The following ECPAS variants were observed in gnomAD, a reference collection of about 807,000 sequenced individuals.
ECPAS encodes Ecm29 proteasome adaptor and scaffold.
ECPAS carries 70 observed loss-of-function variants against 255.1 expected under a neutral mutation model. The ratio of observed to expected loss-of-function variants is 0.27; its 90% CI spans 0.23 to 0.33. The LOEUF (loss-of-function observed/expected upper bound fraction) is 0.33. ECPAS is among the 10% of genes least tolerant of loss of function. The pLI, the probability that ECPAS is intolerant of heterozygous loss-of-function variation, is 1.00. For missense variants in ECPAS, 1,817 were observed against 2,206.4 expected (o/e 0.82, Z 3.54); for synonymous variants, 784 against 775.0 (o/e 1.01, Z -0.19).
intron 35 of ECPAS, among the ~76,000 whole-genome samples, chr9:111,380,742 T>C (rs190197964): frequency 3.3e-5 from 5 of 152,260 alleles, no homozygotes; most frequent in African/African-American, 1.2e-4. Context: ...CTGGATAACC[T>C]GCTGCAGCTT....
At position 111,378,865 on chromosome 9, in the gene ECPAS, A is replaced by T. The variant is rs1472950667; in HGVS notation, c.3804-135T>A. 2.3e-4 allele frequency: 189 copies of T among 809,452 alleles called. 1 individual carries two copies. In the East Asian group the frequency reaches 5.6e-3, roughly 24 times the overall value. 50.1% of individuals were successfully genotyped at this position (809,452 alleles called of 1,614,324 possible). On this transcript the variant is annotated intron_variant, in intron 35 of 49. Transcript: ENST00000684092. The stretch of plus-strand genomic sequence containing the variant: ...CATGGTTGCAGAGCCTGGTCTGGGC[A>T]TTACTTTTTTTAACTTTTATTAAAG...
chr9:111,399,062 A>C (rs977455177), intron 24 of ECPAS, among the ~76,000 whole-genome samples: 1 of 152,262 alleles, frequency 6.6e-6, no homozygotes, highest in African/African-American at 2.4e-5. Flanking sequence ...TTTGCAACTC[A>C]AAAGAAATGC....
chr9:111,371,641 C>T lies in ECPAS; in HGVS notation c.4717G>A (p.Gly1573Arg). The T allele has an allele frequency of 6.2e-7, 1 of 1,613,712 alleles. No homozygotes were observed. The highest frequency in any genetic ancestry group is 2.2e-5 in the East Asian group (1 of 44,878). ...TTTACCTTTCCTGCCCACGTTCTTC[C>T]AGCCAGGCCTTGCAGCAATGCGGTC... ...ILTALLQGLA[G>R]RTWAGKEELL... The change falls in exon 43 of 50, where the codon GGA becomes AGA. Residue 1573 changes from glycine (G) to arginine (R), a missense_variant. By Grantham distance (125) the Gly-to-Arg change is moderately radical (BLOSUM62 -2). Around this residue, in one of 4 missense-constraint regions of ECPAS, gnomAD observed 960 missense variants for 1,179.0 expected, o/e 0.81. Transcript: ENST00000684092.
At chr9:111,439,689 A>T (rs2131890769) in intron 6 of ECPAS, among the ~76,000 whole-genome samples, 1 of 152,334 alleles carries the variant, frequency 6.6e-6, no homozygotes, top group African/African-American at 2.4e-5. Context: ...ATAAGCGTGC[A>T]TGAAATGCAT....
rs530659267 is a variant in ECPAS at position 111,373,011 on chromosome 9, G to A, written c.4336+159C>T. Among the ~76,000 whole-genome samples, 10 of 151,824 alleles carry A rather than the reference G, an allele frequency of 6.6e-5. No individual in the cohort carries two copies. In the South Asian group the frequency reaches 1.5e-3, roughly 22 times the overall value. On this transcript the variant is annotated intron_variant, in intron 41 of 49. Coordinates refer to ENST00000684092, the MANE Select transcript of ECPAS (RefSeq NM_001364929.1). ...AGCACCACTGCACTCCAACCTCAGC[G>A]ACAAAGCCAGACACCATCTCAAAAA...
chr9:111,428,570 G>A (rs1173225237), intron 9 of ECPAS, among the ~76,000 whole-genome samples: 2 of 152,036 alleles, frequency 1.3e-5, no homozygotes, highest in Non-Finnish European at 2.9e-5. Flanking sequence ...TATTCAATCT[G>A]CTATAATACA....
At chr9:111,474,517 G>C (rs568346120) in intron 1 of ECPAS, among the ~76,000 whole-genome samples, 2 of 152,048 alleles carry the variant, frequency 1.3e-5, no homozygotes, top group Non-Finnish European at 1.5e-5. Flanking sequence ...CTTGATCTCC[G>C]GATCCTTGCA....
At chr9:111,399,986 G>T (rs1270422315) in intron 24 of ECPAS, among the ~76,000 whole-genome samples, 1 of 152,266 alleles carries the variant, frequency 6.6e-6, no homozygotes, top group African/African-American at 2.4e-5. Flanking sequence ...ACCCAGCATG[G>T]TGCTAGCTGC....
chr9:111,445,625 G>A (rs567715663), intron 3 of ECPAS, among the ~76,000 whole-genome samples: 1 of 152,236 alleles, frequency 6.6e-6, no homozygotes, highest in South Asian at 2.1e-4. Context: ...ATTACAAAAG[G>A]ATTCTGGCAA....
chr9:111,461,371 G>T (rs1228054319), intron 2 of ECPAS, among the ~76,000 whole-genome samples: 1 of 152,022 alleles, frequency 6.6e-6, no homozygotes, highest in Non-Finnish European at 1.5e-5. Context: ...AGGCTTAGGT[G>T]GGAGAACTGC....
chr9:111,470,260 A>T (rs916496517), intron 2 of ECPAS, among the ~76,000 whole-genome samples: 2 of 151,918 alleles, frequency 1.3e-5, no homozygotes, highest in Non-Finnish European at 2.9e-5. Flanking sequence ...ATCTGGATCT[A>T]CTACAGGCTA....
chr9:111,477,305 T>G (rs2098297571), intron 1 of ECPAS, among the ~76,000 whole-genome samples: 1 of 151,326 alleles, frequency 6.6e-6, no homozygotes, highest in Non-Finnish European at 1.5e-5. Context: ...GAGACGGGGG[T>G]TTCATCATGT....
intron 15 of ECPAS, 30 bp from the exon 16 acceptor site, chr9:111,420,150 C>T: frequency 1.4e-6 from 2 of 1,465,542 alleles, no homozygotes; most frequent in African/African-American, 1.4e-5. Context: ...ACACAGACCA[C>T]CCCGATCCGA....
chr9:111,389,839 A>C, intron 30 of ECPAS, 116 bp from the exon 31 acceptor site: 1 of 1,218,264 alleles, frequency 8.2e-7, no homozygotes, highest in Non-Finnish European at 1.1e-6. Flanking sequence ...TGGTCTTTCC[A>C]ATCAACAGCA....
intron 1 of ECPAS, among the ~76,000 whole-genome samples, chr9:111,481,594 T>G (rs2098305330): frequency 6.6e-6 from 1 of 152,230 alleles, no homozygotes; most frequent in African/African-American, 2.4e-5. Context: ...ATTACATTTC[T>G]GGGTATGTAC....
rs760777398 is a variant in ECPAS at position 111,370,700 on chromosome 9, T to C, written c.4781+22A>G. 3 of 1,606,690 alleles carry C rather than the reference T, an allele frequency of 1.9e-6. No homozygotes were observed. The South Asian group carries it at 3.4e-5, about 18-fold the overall frequency. ...TTCGGGTCCAGTTTAAGAAATGGCA[T>C]CTTCATTGAAAGAACATTTACCTGC... On this transcript the variant is annotated intron_variant, in intron 44 of 49. Transcript: ENST00000684092.
chr9:111,484,001 C>A (rs1330850377), intron 1 of ECPAS, 115 bp downstream of exon 1: 3 of 1,008,412 alleles, frequency 3.0e-6, no homozygotes, highest in Admixed American at 6.0e-5. Context: ...CCGCCCGCCC[C>A]GCGTGCGCTC....
In ECPAS at chr9:111,411,033, G is replaced by A. The variant is rs777594945; in HGVS notation, c.2324C>T (p.Ala775Val). 4 of 1,613,864 alleles carry A rather than the reference G, an allele frequency of 2.5e-6. No individual in the cohort carries two copies. Among genetic ancestry groups the A allele is most frequent in the Middle Eastern group, 1.7e-4 (1 of 6,060 alleles). The stretch of plus-strand genomic sequence containing the variant: ...TTCCTCTTGATCAGGGAGGGTGTCA[G>A]CATTTCTCTCCAGGTCTTGTTGCTC... ...MSEQQDLERN[A>V]DTLPDQEELI... Residue 775 changes from alanine (A) to valine (V), a missense_variant, in exon 22 of 50, where the codon GCT becomes GTT. Ala to Val is a moderately conservative substitution (Grantham distance 64). Transcript: ENST00000684092.
intron 1 of ECPAS, among the ~76,000 whole-genome samples, chr9:111,476,895 T>G (rs2098296903): frequency 1.3e-5 from 2 of 152,100 alleles, no homozygotes; most frequent in African/African-American, 4.8e-5. Flanking sequence ...ACTCCTGACC[T>G]CAAACCTCAG....
Sources: gnomAD v4.1 joint callset for allele counts (sites outside exome capture counted in the v4.1 genomes callset) on GRCh38, gnomAD v4.1.1 for gene constraint, gnomAD v4.1.1 regional missense constraint, MANE v1.5 for transcripts, NCBI Gene and HGNC (gene_info 2026-07-23, HGNC 2026-07-21) for gene names.